AKAP3: variants seen among roughly 807,000 people sequenced by gnomAD.
The protein encoded by AKAP3 is A-kinase anchor protein 3.
In AKAP3, 27 loss-of-function variants were observed where a neutral mutation model predicts 57.2. The observed-to-expected ratio is 0.47, with a 90% confidence interval of 0.35 to 0.65. The LOEUF is 0.65. Ranked by LOEUF, AKAP3 falls within the 30% of genes least tolerant of loss-of-function variation. The pLI is 0.01. For missense variants in AKAP3, 959 were observed against 1,040.0 expected (o/e 0.92, Z 1.07); for synonymous variants, 334 against 392.3 (o/e 0.85, Z 1.76).
At chr12:4,631,387 G>C in intron 4 of AKAP3, 1 of 694,818 alleles carries the variant, frequency 1.4e-6, no homozygotes, top group East Asian at 2.7e-5. Context: ...GGACAGGTGA[G>C]TTTTATGTTT....
chr12:4,628,792 T>A lies in AKAP3; in HGVS notation c.110A>T (p.Asp37Val). 1 of 1,603,890 alleles carries A rather than the reference T, an allele frequency of 6.2e-7. No homozygotes were observed. Reference protein sequence around the residue: ...AQDWKMDTSTDPVRVLSWLRR... With the variant: ...AQDWKMDTSTVPVRVLSWLRR... The stretch of plus-strand genomic sequence containing the variant: ...GAGCCAGCTGAGCACTCTGACAGGA[T>A]CCGTGGAGGTGTCCTTAAAAATAGA... Residue 37 changes from aspartate (D) to valine (V), a missense_variant, in exon 5 of 6, where the codon GAT (aspartate) becomes GTT (valine). Coordinates refer to ENST00000228850, the MANE Select transcript of AKAP3 (RefSeq NM_001278309.2).
chr12:4,621,423 C>T (rs1206851516), intron 5 of AKAP3, among the ~76,000 whole-genome samples: 1 of 152,184 alleles, frequency 6.6e-6, no homozygotes, highest in Non-Finnish European at 1.5e-5. Flanking sequence ...AACTTCTAGT[C>T]CTGTGAGCTC....
rs780244020 is a variant in AKAP3 at position 4,625,502 on chromosome 12, A to C, written c.2406+994T>G. On this transcript the variant is annotated intron_variant, in intron 5 of 5. Transcript: ENST00000228850. This position sits in a 1 kb window ranked among gnomAD's most constrained non-coding sequence, Gnocchi z 5.4. ...TAGCGACCCAGTTGCAAGCGTTGCT[A>C]ATACCATGTAAATACCACTTAATTA... 5.3e-5 allele frequency among the ~76,000 whole-genome samples: 8 copies of C among 152,206 alleles called. No homozygotes were observed. The highest frequency in any genetic ancestry group is 1.2e-4 in the Non-Finnish European group (8 of 68,032).
rs1394425723 is a variant in AKAP3, at chr12:4,626,977, T to C, written c.1925A>G (p.Glu642Gly). 1.2e-6 allele frequency: 2 copies of C among 1,614,162 alleles called. No individual in the cohort carries two copies. The highest frequency in any genetic ancestry group is 3.3e-4 in the Middle Eastern group (2 of 6,062). The change falls in exon 5 of 6, where the codon GAG becomes GGG. Residue 642 changes from glutamate to glycine, a missense_variant. Physicochemically the swap from Glu to Gly is moderately conservative, Grantham distance 98 (BLOSUM62 -2). Coordinates refer to ENST00000228850, the MANE Select transcript of AKAP3 (RefSeq NM_001278309.2). ...PLASSPPRLY[E>G]DDETPGALSG... ...AAGGGCACCAGGGGTCTCATCATCC[T>C]CATATAGCCTGGGGGGAGAAGACGC...
chr12:4,618,636 C>G (rs1289150914), intron 5 of AKAP3, among the ~76,000 whole-genome samples: 1 of 152,208 alleles, frequency 6.6e-6, no homozygotes, highest in East Asian at 1.9e-4. Context: ...TTACCAGTAT[C>G]CTTGGCCTCT....
chr12:4,643,120 A>G (rs1945657052), intron 2 of AKAP3, among the ~76,000 whole-genome samples: 1 of 152,218 alleles, frequency 6.6e-6, no homozygotes, highest in African/African-American at 2.4e-5. Context: ...TCATGAAAGC[A>G]TAACTACTAG....
In AKAP3 at chr12:4,632,194, G is replaced by A. The variant is rs185256627; in HGVS notation, c.97-3389C>T. 4.7e-5 allele frequency among the ~76,000 whole-genome samples: 7 copies of A among 148,702 alleles called. No individual in the cohort carries two copies. In the Admixed American group the frequency reaches 4.8e-4, roughly 10 times the overall value. ...TGATGGCTAAGCGTAAAGTATATAT[G>A]CTTTTGCTTATTATTTTTATCACTT... is the stretch of plus-strand genomic sequence containing the variant. On this transcript the variant is annotated intron_variant, in intron 4 of 5. Transcript: ENST00000228850.
intron 3 of AKAP3, among the ~76,000 whole-genome samples, chr12:4,639,636 C>T (rs1444708158): frequency 7.5e-6 from 1 of 133,826 alleles, no homozygotes; most frequent in Non-Finnish European, 1.5e-5. Flanking sequence ...TCTAAGTGTT[C>T]TCATTGTTCA....
intron 2 of AKAP3, among the ~76,000 whole-genome samples, chr12:4,642,916 A>G (rs1243634919): frequency 1.3e-5 from 2 of 152,170 alleles, no homozygotes; most frequent in East Asian, 3.8e-4. Flanking sequence ...ATCCAAGGAC[A>G]AAAAAACAGA....
chr12:4,643,640 C>T (rs925941826), intron 2 of AKAP3, among the ~76,000 whole-genome samples: 4 of 152,248 alleles, frequency 2.6e-5, no homozygotes, highest in South Asian at 4.1e-4. Flanking sequence ...GAAATTTTCC[C>T]ATGGCAAGTA....
intron 3 of AKAP3, 109 bp downstream of exon 3, chr12:4,641,787 CTAG>C (rs1369602181): frequency 2.6e-5 from 4 of 152,128 alleles, no homozygotes; most frequent in African/African-American, 4.8e-5. Flanking sequence ...TGAGTTACTC[CTAG>C]TAGAAAATTG....
chr12:4,632,305 T>C (rs1945507902), intron 4 of AKAP3, among the ~76,000 whole-genome samples: 1 of 152,218 alleles, frequency 6.6e-6, no homozygotes, highest in African/African-American at 2.4e-5. Context: ...TATGTGACTG[T>C]AGGAAGTCGT....
intron 2 of AKAP3, among the ~76,000 whole-genome samples, chr12:4,643,179 A>T (rs1410169083): frequency 2.0e-5 from 3 of 152,204 alleles, no homozygotes; most frequent in Non-Finnish European, 4.4e-5. Context: ...TAATGTTTTA[A>T]TTCTATTTTC....
At chr12:4,633,244 C>T (rs1024867791) in intron 4 of AKAP3, among the ~76,000 whole-genome samples, 15 of 150,526 alleles carry the variant, frequency 1.0e-4, no homozygotes, top group African/African-American at 2.9e-4. Flanking sequence ...GGCAACATGG[C>T]GAAAATCCAT....
chr12:4,639,641 T>C (rs1945611868), intron 3 of AKAP3, among the ~76,000 whole-genome samples: 1 of 151,172 alleles, frequency 6.6e-6, no homozygotes, highest in Admixed American at 6.6e-5. Flanking sequence ...GTGTTCTCAT[T>C]GTTCAATTCC....
rs781648553 is a variant in AKAP3 at position 4,626,935 on chromosome 12, A to T, written c.1967T>A (p.Met656Lys). ...TPGALSGLTK[M>K]AVSQIDGHMS... ...GTGGCCATCTATCTGGCTGACAGCC[A>T]TCTTGGTCAGCCCAGAAAGGGCACC... is the stretch of plus-strand genomic sequence containing the variant. The change falls in exon 5 of 6, where the codon ATG (methionine) becomes AAG (lysine). Residue 656 changes from methionine to lysine, a missense_variant. Physicochemically the swap from Met to Lys is moderately conservative, Grantham distance 95. Coordinates refer to ENST00000228850, the MANE Select transcript of AKAP3 (RefSeq NM_001278309.2). 16 of 1,614,050 alleles carry T rather than the reference A, an allele frequency of 9.9e-6. No individual in the cohort carries two copies. The highest frequency in any genetic ancestry group is 1.4e-5 in the Non-Finnish European group (16 of 1,180,010).
Position 4,626,573 on chromosome 12 carries a change from G to A in AKAP3, c.2329C>T (p.Leu777Phe), listed in dbSNP as rs1349963904. 4.3e-6 allele frequency: 7 copies of A among 1,614,032 alleles called. No homozygotes were observed. In the African/African-American group the frequency reaches 8.0e-5, roughly 18 times the overall value. ...AGCTCAGAGGCAGCTACCCATTGAA[G>A]GACGGCTTGGAGTTGCTTGTTCTGA... ...TVQNKQLQAV[L>F]QWVAASELNV... is the part of the protein sequence containing the mutation. The change falls in exon 5 of 6, where the codon CTT becomes TTT. Residue 777 changes from leucine to phenylalanine, a missense_variant. Physicochemically the swap from Leu to Phe is conservative, Grantham distance 22. Transcript: ENST00000228850.
At chr12:4,644,044 C>G (rs1049338663) in intron 2 of AKAP3, among the ~76,000 whole-genome samples, 1 of 152,216 alleles carries the variant, frequency 6.6e-6, no homozygotes, top group East Asian at 1.9e-4. Context: ...GTGCCTGCTA[C>G]ATCGTAGAAG....
chr12:4,624,824 G>GTGTGTGTGTGTGTGTGTGTGTGTGTGTA (rs143324716), intron 5 of AKAP3, among the ~76,000 whole-genome samples: 6,273 of 140,870 alleles, frequency 0.045, 251 homozygotes, highest in South Asian at 0.085. Flanking sequence ...GTGTGTGTGT[G>GTGTGTGTGTGTGTGTGTGTGTGTGTGTA]TATATAAAAG....
Sources: allele counts gnomAD v4.1 joint callset (sites outside exome capture counted in the v4.1 genomes callset), GRCh38; gene constraint gnomAD v4.1.1; non-coding constraint Gnocchi (gnomAD v3.1); transcripts MANE v1.5; gene names NCBI Gene and HGNC (gene_info 2026-07-23, HGNC 2026-07-21).